The following PTDSS1 variants were observed in gnomAD, a reference collection of about 807,000 sequenced individuals.
PTDSS1 encodes PSS-1.
PTDSS1 carries 45 observed loss-of-function variants against 70.5 expected under a neutral mutation model. That is an observed-to-expected ratio of 0.64 (90% CI 0.50 to 0.82). PTDSS1 has a LOEUF of 0.82. Among genes scored for constraint, PTDSS1 ranks in the 40% least tolerant of loss-of-function variants. The pLI is 0.00. For synonymous variants in PTDSS1, 188 were observed against 203.8 expected (o/e 0.92, Z 0.66); for missense variants, 417 against 586.1 (o/e 0.71, Z 2.98).
chr8:96,294,822 C>T (rs1224744686), intron 4 of PTDSS1, among the ~76,000 whole-genome samples: 2 of 151,990 alleles, frequency 1.3e-5, no homozygotes, highest in African/African-American at 4.8e-5. Context: ...TATGTGATAC[C>T]ACTTCTTTAG....
chr8:96,312,130 G>A (rs1441771348), intron 9 of PTDSS1, among the ~76,000 whole-genome samples: 1 of 152,204 alleles, frequency 6.6e-6, no homozygotes, highest in African/African-American at 2.4e-5. Context: ...GGACAGCCAT[G>A]AAACACCATC....
intron 2 of PTDSS1, among the ~76,000 whole-genome samples, chr8:96,283,010 G>C (rs1810763167): frequency 1.3e-5 from 2 of 152,180 alleles, no homozygotes; most frequent in South Asian, 4.1e-4. Flanking sequence ...GCAAGCATGG[G>C]CTATGGTCTG....
chr8:96,275,164 A>C (rs2130013799), intron 2 of PTDSS1, among the ~76,000 whole-genome samples: 1 of 152,196 alleles, frequency 6.6e-6, no homozygotes, highest in African/African-American at 2.4e-5. Flanking sequence ...AAAATTTTAG[A>C]GATGGAGTCT....
chr8:96,290,184 G>A (rs556107081), intron 4 of PTDSS1, among the ~76,000 whole-genome samples: 1 of 152,308 alleles, frequency 6.6e-6, no homozygotes, highest in Non-Finnish European at 1.5e-5. Context: ...TGTGCTTTCA[G>A]TATATAGTTA....
chr8:96,319,505 C>A (rs199838760), intron 9 of PTDSS1, among the ~76,000 whole-genome samples: 6 of 138,734 alleles, frequency 4.3e-5, no homozygotes, highest in East Asian at 2.2e-4. Context: ...TAAAAAAAAA[C>A]AAAAAATTTG....
intron 7 of PTDSS1, among the ~76,000 whole-genome samples, chr8:96,304,920 G>A (rs1013395310): frequency 3.3e-5 from 5 of 152,280 alleles, no homozygotes; most frequent in African/African-American, 1.2e-4. Flanking sequence ...CCAACATAAG[G>A]AAAAAATTAG....
intron 4 of PTDSS1, among the ~76,000 whole-genome samples, chr8:96,292,299 AAAAAAAAAAAAG>A (rs1810918473): frequency 6.6e-6 from 1 of 151,274 alleles, no homozygotes; most frequent in Non-Finnish European, 1.5e-5. Flanking sequence ...CAAAAAAAAA[AAAAAAAAAAAAG>A]AAAAGAAACC....
In PTDSS1 at chr8:96,335,072, G is replaced by A. The variant is rs2130200033; in HGVS notation, c.*1506G>A. On this transcript the variant is annotated 3_prime_UTR_variant, in exon 13 of 13. Coordinates refer to ENST00000517309, the MANE Select transcript of PTDSS1 (RefSeq NM_014754.3). ...GTGCTCAATAGTAGATTCTGCGGGA[G>A]TGGAGAAGCGTCAGTGGCAGCTCCG... is the stretch of plus-strand genomic sequence containing the variant. 6.6e-6 allele frequency: 1 copy of A among 152,288 alleles called. No homozygotes were observed. Among genetic ancestry groups the A allele is most frequent in the South Asian group, 2.1e-4 (1 of 4,816 alleles). The allele number at this position is 152,288 out of a possible 1,614,324, so 9.4% of individuals were successfully genotyped here. A position where few individuals can be genotyped will look rare whatever the true frequency, so the allele number is the denominator to read the frequency against.
rs1159514511 is a variant in PTDSS1, at chr8:96,287,274, T to G, written c.441+128T>G. Reference sequence around the variant, plus strand: ...TGTGTAGTTACCTAAAAACCAGGTCTCTGGGAGGGTTGTTGAGTTGCATGG... The same window carrying G: ...TGTGTAGTTACCTAAAAACCAGGTCGCTGGGAGGGTTGTTGAGTTGCATGG... On this transcript the variant is annotated intron_variant, in intron 4 of 12. Transcript: ENST00000517309. 5 of 1,298,690 alleles carry G rather than the reference T, an allele frequency of 3.9e-6. No homozygotes were observed. In the East Asian group the frequency reaches 9.3e-5, roughly 24 times the overall value. 80.4% of individuals were successfully genotyped at this position (1,298,690 alleles called of 1,614,324 possible).
chr8:96,303,932 C>A, intron 6 of PTDSS1, 108 bp from the exon 7 acceptor site: 1 of 1,229,782 alleles, frequency 8.1e-7, no homozygotes. Context: ...GTCTCTTTGT[C>A]CTGAGCATTT....
chr8:96,299,989 C>A (rs1811029248), intron 6 of PTDSS1, 144 bp downstream of exon 6: 2 of 1,133,624 alleles, frequency 1.8e-6, no homozygotes, highest in Non-Finnish European at 1.2e-6. Context: ...TGATTATAAA[C>A]CTGATTTCAA....
In PTDSS1 at chr8:96,333,613, G is replaced by A. The variant is rs759057697; in HGVS notation, c.*47G>A. The A allele has an allele frequency of 1.3e-6, 2 of 1,547,948 alleles. No homozygotes were observed. The highest frequency in any genetic ancestry group is 1.8e-6 in the Non-Finnish European group (2 of 1,120,172). ...TGTTCCAGAGTGCCTAGAACTGAGA[G>A]GGAAATGGAACTCATTTGGAACTCC... On this transcript the variant is annotated 3_prime_UTR_variant, in exon 13 of 13. Coordinates refer to ENST00000517309, the MANE Select transcript of PTDSS1 (RefSeq NM_014754.3).
intron 9 of PTDSS1, among the ~76,000 whole-genome samples, chr8:96,319,710 T>G (rs1811348071): frequency 6.6e-6 from 1 of 152,128 alleles, no homozygotes; most frequent in Non-Finnish European, 1.5e-5. Context: ...AATCACAGTC[T>G]AGACTTCAGA....
Position 96,304,150 on chromosome 8 carries a change from C to A in PTDSS1, c.863C>A (p.Ala288Asp), listed in dbSNP as rs139349789. ...CCCAAATCTTCTTTTCAGAGAGTAG[C>A]TGGAGTGTACCTTTTCATGATCATC... ...FDPKSSFQRVAGVYLFMIIWQ... is the reference protein window; with the variant it reads ...FDPKSSFQRVDGVYLFMIIWQ... Residue 288 changes from alanine (A) to aspartate (D), a missense_variant, in exon 7 of 13, where the codon GCT (alanine) becomes GAT (aspartate). Ala to Asp is a moderately radical substitution (Grantham distance 126, BLOSUM62 -2). This residue lies in a region of PTDSS1 where 272 missense variants were observed against 429.5 expected (regional missense o/e 0.63). Coordinates refer to ENST00000517309, the MANE Select transcript of PTDSS1 (RefSeq NM_014754.3). The A allele has an allele frequency of 3.7e-6, 6 of 1,613,084 alleles. No individual in the cohort carries two copies. Among genetic ancestry groups the A allele is most frequent in the African/African-American group, 1.3e-5 (1 of 74,824 alleles).
Position 96,261,924 on chromosome 8 carries a change from G to A in PTDSS1, c.-117G>A. On this transcript the variant is annotated 5_prime_UTR_variant, in exon 1 of 13. Coordinates refer to ENST00000517309, the MANE Select transcript of PTDSS1 (RefSeq NM_014754.3). ...CTTCCCTCTGCTCCCAGCCTTTGCT[G>A]GGCGCCAGACCCGGCTTTGCCGTCC... 1 of 1,115,872 alleles carries A rather than the reference G, an allele frequency of 9.0e-7. No individual in the cohort carries two copies. The highest frequency in any genetic ancestry group is 1.2e-6 in the Non-Finnish European group (1 of 800,078). The allele number at this position is 1,115,872 out of a possible 1,614,324, so 69.1% of individuals were successfully genotyped here. A position where few individuals can be genotyped will look rare whatever the true frequency, so the allele number is the denominator to read the frequency against.
intron 9 of PTDSS1, 31 bp from the exon 10 acceptor site, chr8:96,320,215 A>C (rs777205284): frequency 4.6e-6 from 7 of 1,522,082 alleles, no homozygotes; most frequent in African/African-American, 2.7e-5. Context: ...AAGATGGATT[A>C]ATACTTAACC....
At chr8:96,278,655 A>C (rs925411441) in intron 2 of PTDSS1, among the ~76,000 whole-genome samples, 10 of 152,176 alleles carry the variant, frequency 6.6e-5, no homozygotes, top group South Asian at 2.1e-4. Flanking sequence ...AATTTTAACT[A>C]TACCACCCTA....
chr8:96,265,038 G>A (rs987306504), intron 1 of PTDSS1, among the ~76,000 whole-genome samples: 3 of 152,128 alleles, frequency 2.0e-5, no homozygotes, highest in Non-Finnish European at 4.4e-5. Flanking sequence ...CTTAAGTGGG[G>A]CATTACAATG....
intron 1 of PTDSS1, among the ~76,000 whole-genome samples, chr8:96,269,987 C>A (rs527354949): frequency 2.0e-5 from 3 of 152,226 alleles, no homozygotes; most frequent in African/African-American, 7.2e-5. Flanking sequence ...GTTATTTAAT[C>A]CTCACACAAC....
Sources: allele counts gnomAD v4.1 joint callset (sites outside exome capture counted in the v4.1 genomes callset), GRCh38; gene constraint gnomAD v4.1.1; regional missense constraint gnomAD v4.1.1; transcripts MANE v1.5; gene names NCBI Gene and HGNC (gene_info 2026-07-23, HGNC 2026-07-21).